The following XYLB variants were observed in gnomAD, a reference collection of about 807,000 sequenced individuals.
The protein encoded by XYLB is xylulokinase, also known as xylulose kinase.
XYLB carries 62 observed loss-of-function variants against 78.7 expected under a neutral mutation model. That is an observed-to-expected ratio of 0.79 (90% CI 0.64 to 0.97). XYLB has a LOEUF of 0.97. Ranked by LOEUF, XYLB falls within the 50% of genes least tolerant of loss-of-function variation. The pLI is 0.00. For missense variants in XYLB, 687 were observed against 676.8 expected (o/e 1.02, Z -0.17); for synonymous variants, 245 against 247.4 (o/e 0.99, Z 0.09).
At chr3:38,445,966 G>T in the XYLB span, among the ~76,000 whole-genome samples, 1 of 152,094 alleles carries the variant, frequency 6.6e-6, no homozygotes, top group Admixed American at 6.5e-5. Context: ...GTGGATTCTT[G>T]GTCTTGCTGA....
intron 18 of XYLB, among the ~76,000 whole-genome samples, chr3:38,404,986 A>G (rs777603645): frequency 3.3e-5 from 5 of 152,162 alleles, no homozygotes; most frequent in African/African-American, 7.2e-5. Flanking sequence ...GCTTGCCTGA[A>G]GTGCATCTGC....
At chr3:38,445,254 C>T in the XYLB span, among the ~76,000 whole-genome samples, 1 of 152,078 alleles carries the variant, frequency 6.6e-6, no homozygotes, top group Non-Finnish European at 1.5e-5. Flanking sequence ...CCCCATATAG[C>T]CTTTGTTAGG....
chr3:38,419,571 T>C (rs1404811727), downstream of XYLB, among the ~76,000 whole-genome samples: 1 of 110,028 alleles, frequency 9.1e-6, no homozygotes, highest in East Asian at 2.6e-4. Context: ...ACACTTGTTA[T>C]TTTTCTTTAT....
chr3:38,392,443 G>C (rs763274821), intron 15 of XYLB, among the ~76,000 whole-genome samples: 1 of 152,006 alleles, frequency 6.6e-6, no homozygotes, highest in African/African-American at 2.4e-5. Flanking sequence ...GATTACAGGC[G>C]CACACCACCA....
chr3:38,355,627 A>G, intron 2 of XYLB: 5 of 648,854 alleles, frequency 7.7e-6, no homozygotes, highest in Non-Finnish European at 1.4e-5. Flanking sequence ...CAGCCATGTG[A>G]CTGAGTTCTA....
At chr3:38,449,691 A>G in the XYLB span, among the ~76,000 whole-genome samples, 64 of 152,338 alleles carry the variant, frequency 4.2e-4, no homozygotes, top group African/African-American at 1.4e-3. Flanking sequence ...TGTCTCTCCA[A>G]TAGTAGAAGC....
intron 18 of XYLB, among the ~76,000 whole-genome samples, chr3:38,409,755 C>T (rs1004546542): frequency 6.6e-6 from 1 of 151,934 alleles, no homozygotes; most frequent in East Asian, 1.9e-4. Flanking sequence ...AGACAGAGAG[C>T]CAAATCATGA....
chr3:38,397,027 T>C (rs1316995486), intron 16 of XYLB, 45 bp from the exon 17 acceptor site: 3 of 1,596,156 alleles, frequency 1.9e-6, no homozygotes, highest in Non-Finnish European at 2.6e-6. Context: ...CTGTGTTCCC[T>C]CTGAGGAATG....
In XYLB at chr3:38,376,241, G is replaced by T; in HGVS notation, c.1120+9G>T. 1.9e-6 allele frequency: 3 copies of T among 1,589,226 alleles called. No homozygotes were observed. The highest frequency in any genetic ancestry group is 2.7e-5 in the African/African-American group (2 of 74,452). On this transcript the variant is annotated intron_variant, in intron 13 of 18. Coordinates refer to ENST00000207870, the MANE Select transcript of XYLB (RefSeq NM_005108.4). Reference sequence around the variant, plus strand: ...CAACGGTGGAAACCTGGGTAGGCCAGTTGGTGGTGCCCAGGCCTGTGAAGG... The same window carrying T: ...CAACGGTGGAAACCTGGGTAGGCCATTTGGTGGTGCCCAGGCCTGTGAAGG...
intron 2 of XYLB, among the ~76,000 whole-genome samples, chr3:38,351,137 A>AC (rs1553648731): frequency 7.4e-6 from 1 of 134,704 alleles, no homozygotes; most frequent in Non-Finnish European, 1.5e-5. Flanking sequence ...GCGCCACTGC[A>AC]CTCCAGCCTG....
chr3:38,349,769 G>T (rs1357592641), intron 2 of XYLB, among the ~76,000 whole-genome samples: 1 of 152,132 alleles, frequency 6.6e-6, no homozygotes, highest in Non-Finnish European at 1.5e-5. Context: ...GGGAAGATTG[G>T]TCTCCTCTGG....
At position 38,355,982 on chromosome 3, in the gene XYLB, C is replaced by G. The variant is rs181066904; in HGVS notation, c.141-4357C>G. ...AGAAAATACTGGGGCCAGGTGTGGT[C>G]GCTCACGCCTGTAATCCCAGCACTT... On this transcript the variant is annotated intron_variant, in intron 2 of 18. Transcript: ENST00000207870. 9.4e-4 allele frequency: 530 copies of G among 562,150 alleles called. 3 individuals carry two copies. Among genetic ancestry groups the G allele is most frequent in the African/African-American group, 8.6e-3 (457 of 53,364 alleles). The allele number at this position is 562,150 out of a possible 1,614,324, so 34.8% of individuals were successfully genotyped here.
intron 8 of XYLB, among the ~76,000 whole-genome samples, 180 bp from the exon 9 acceptor site, chr3:38,369,876 G>T (rs1214260334): frequency 6.6e-6 from 1 of 152,084 alleles, no homozygotes; most frequent in Non-Finnish European, 1.5e-5. Context: ...TGTTTCCAAG[G>T]GCCCCTCTTG....
intron 2 of XYLB, among the ~76,000 whole-genome samples, chr3:38,357,357 C>T (rs1705709261): frequency 6.6e-6 from 1 of 151,574 alleles, no homozygotes; most frequent in Non-Finnish European, 1.5e-5. Flanking sequence ...TCCATTCCCA[C>T]CAGTGGTAGA....
At chr3:38,442,793 TG>T in the XYLB span, among the ~76,000 whole-genome samples, 1 of 149,988 alleles carries the variant, frequency 6.7e-6, no homozygotes, top group Non-Finnish European at 1.5e-5. Flanking sequence ...TAATCCTTTA[TG>T]AACTTCAGGC....
chr3:38,384,829 T>C (rs142188119), intron 15 of XYLB, among the ~76,000 whole-genome samples: 18 of 152,236 alleles, frequency 1.2e-4, no homozygotes, highest in African/African-American at 4.1e-4. Flanking sequence ...TGTGTGTGTA[T>C]ATATTTAACA....
chr3:38,403,272 C>T (rs897739381), intron 18 of XYLB, among the ~76,000 whole-genome samples: 6 of 144,510 alleles, frequency 4.2e-5, no homozygotes, highest in Non-Finnish European at 7.5e-5. Flanking sequence ...CCAGCCTGGG[C>T]GACAGAGACC....
In XYLB at chr3:38,349,369, G is replaced by A. The variant is rs560907016; in HGVS notation, c.140+737G>A. ...TAAGGGCCATAAGGGGTAGGGGTAT[G>A]GGTGAGGTATGAATGACAGGTTGTA... On this transcript the variant is annotated intron_variant, in intron 2 of 18. Transcript: ENST00000207870. Among the ~76,000 whole-genome samples the A allele has an allele frequency of 2.0e-5, 3 of 152,312 alleles. No individual in the cohort carries two copies. In the East Asian group the frequency reaches 5.8e-4, roughly 29 times the overall value.
chr3:38,372,573 C>G, intron 9 of XYLB, 82 bp from the exon 10 acceptor site: 1 of 1,606,394 alleles, frequency 6.2e-7, no homozygotes, highest in Non-Finnish European at 8.5e-7. Context: ...GTAGCGTTTT[C>G]GTGGCCTGAA....
Sources: gnomAD v4.1 joint callset for allele counts (sites outside exome capture counted in the v4.1 genomes callset) on GRCh38, gnomAD v4.1.1 for gene constraint, MANE v1.5 for transcripts, NCBI Gene and HGNC (gene_info 2026-07-23, HGNC 2026-07-21) for gene names.